The following PRELID3B variants were observed in gnomAD, a reference collection of about 807,000 sequenced individuals.
The protein encoded by PRELID3B is PRELI domain containing 3B.
PRELID3B carries 15 observed loss-of-function variants against 24.0 expected under a neutral mutation model. The ratio of observed to expected loss-of-function variants is 0.63; its 90% CI spans 0.42 to 0.96. PRELID3B has a LOEUF of 0.96. Among genes scored for constraint, PRELID3B ranks in the 40% least tolerant of loss-of-function variants. PRELID3B has a pLI of 0.00. For synonymous variants in PRELID3B, 62 were observed against 76.0 expected (o/e 0.82, Z 0.96); for missense variants, 189 against 236.0 (o/e 0.80, Z 1.30).
chr20:59,034,848 G>C lies in PRELID3B; in HGVS notation c.*159C>G. 2.0e-6 allele frequency: 1 copy of C among 491,930 alleles called. No homozygotes were observed. 30.5% of individuals were successfully genotyped at this position (491,930 alleles called of 1,614,324 possible). A position where few individuals can be genotyped will look rare whatever the true frequency, so the allele number is the denominator to read the frequency against. ...ATGATCCCTTTTATTTAGAGGCCCTGCATCTGTTTTGATCAAGTCACATAG... is the reference window on the plus strand; with the variant it reads ...ATGATCCCTTTTATTTAGAGGCCCTCCATCTGTTTTGATCAAGTCACATAG... On this transcript the variant is annotated 3_prime_UTR_variant, in exon 6 of 6. Coordinates refer to ENST00000355937, the MANE Select transcript of PRELID3B (RefSeq NM_016045.3).
At chr20:59,041,090 A>G (rs2092106920) in intron 1 of PRELID3B, among the ~76,000 whole-genome samples, 1 of 152,128 alleles carries the variant, frequency 6.6e-6, no homozygotes, top group South Asian at 2.1e-4. Flanking sequence ...CAGGAAGAAG[A>G]GTTAGGGAAG....
intron 5 of PRELID3B, among the ~76,000 whole-genome samples, chr20:59,035,907 C>G (rs1415387153): frequency 6.6e-6 from 1 of 152,146 alleles, no homozygotes; most frequent in Non-Finnish European, 1.5e-5. Flanking sequence ...TGCATGGCAT[C>G]TTTCTCTAAA....
Position 59,040,411 on chromosome 20 carries a change from G to A in PRELID3B, c.33-1777C>T, listed in dbSNP as rs2092102566. On this transcript the variant is annotated intron_variant, in intron 1 of 5. Coordinates refer to ENST00000355937, the MANE Select transcript of PRELID3B (RefSeq NM_016045.3). This position sits in a 1 kb window ranked among gnomAD's most constrained non-coding sequence, Gnocchi z 4.1. ...GGTCCAACTTCTTCACCTTTGAAAC[G>A]AGGTGAGGACATTATTAACTCCACT... Among the ~76,000 whole-genome samples, 1 of 152,200 alleles carries A rather than the reference G, an allele frequency of 6.6e-6. No individual in the cohort carries two copies. Among genetic ancestry groups the A allele is most frequent in the Admixed American group, 6.5e-5 (1 of 15,278 alleles).
In PRELID3B at chr20:59,034,978, T is replaced by C; in HGVS notation, c.*29A>G. 1 of 1,591,166 alleles carries C rather than the reference T, an allele frequency of 6.3e-7. No individual in the cohort carries two copies. The highest frequency in any genetic ancestry group is 1.4e-5 in the African/African-American group (1 of 73,936). On this transcript the variant is annotated 3_prime_UTR_variant, in exon 6 of 6. Transcript: ENST00000355937. ...ATAGTCAGTTTGGAGAGACCTGGAG[T>C]ACCCGATGTTGTCTACCAACTGTCA...
Position 59,038,500 on chromosome 20 carries a change from C to T in PRELID3B, c.167G>A (p.Ser56Asn). ...SGKLHSHRLL[S>N]TEWGLPSIVK... is the part of the protein sequence containing the mutation. The stretch of plus-strand genomic sequence containing the variant: ...AATGGAAGGCAGTCCCCACTCTGTG[C>T]TGAGAAGTCTGTGGCTGTGCAACTT... The change falls in exon 2 of 6, where the codon AGC becomes AAC. Residue 56 changes from serine to asparagine, a missense_variant. Coordinates refer to ENST00000355937, the MANE Select transcript of PRELID3B (RefSeq NM_016045.3). 6.2e-7 allele frequency: 1 copy of T among 1,613,848 alleles called. No individual in the cohort carries two copies. Among genetic ancestry groups the T allele is most frequent in the Non-Finnish European group, 8.5e-7 (1 of 1,179,830 alleles).
intron 2 of PRELID3B, among the ~76,000 whole-genome samples, chr20:59,037,568 A>G (rs2092082907): frequency 6.6e-6 from 1 of 152,190 alleles, no homozygotes; most frequent in Non-Finnish European, 1.5e-5. Flanking sequence ...GCGACGGTGG[A>G]GCGCTGAGGC....
rs377566257 is a variant in PRELID3B, at chr20:59,035,058, T to C, written c.534A>G (p.Ala178=). 1.2e-6 allele frequency: 2 copies of C among 1,614,000 alleles called. No individual in the cohort carries two copies. The highest frequency in any genetic ancestry group is 2.7e-5 in the African/African-American group (2 of 74,938). ...NAEIEELTAS[A]RGTIRTPMAA... is the part of the protein sequence containing the mutation. ...CCATTGGAGTCCTTATGGTTCCTCT[T>C]GCTGAGGCTGTCAGTTCTTCAATCT... Residue 178 remains alanine (A), a synonymous_variant, in exon 6 of 6, where the codon GCA becomes GCG. Coordinates refer to ENST00000355937, the MANE Select transcript of PRELID3B (RefSeq NM_016045.3).
At chr20:59,038,754 A>C (rs2092092540) in intron 1 of PRELID3B, 120 bp from the exon 2 acceptor site, 1 of 1,286,158 alleles carries the variant, frequency 7.8e-7, no homozygotes, top group Non-Finnish European at 1.0e-6. Context: ...TAATGAGTTT[A>C]CCTAGGAAAA....
Position 59,034,908 on chromosome 20 carries a change from AAC to A in PRELID3B, c.*97_*98del. The A allele has an allele frequency of 3.3e-5, 38 of 1,134,722 alleles. No homozygotes were observed. Among genetic ancestry groups the A allele is most frequent in the Middle Eastern group, 3.2e-4 (1 of 3,084 alleles). The allele number at this position is 1,134,722 out of a possible 1,614,324, so 70.3% of individuals were successfully genotyped here. On this transcript the variant is annotated 3_prime_UTR_variant, in exon 6 of 6. Coordinates refer to ENST00000355937, the MANE Select transcript of PRELID3B (RefSeq NM_016045.3). The stretch of plus-strand genomic sequence containing the variant: ...AACTTATCAAAAAAAAAAAAAAAAA[AAC>A]TACCCAAAATATAGTTGTATTTTTA...
In PRELID3B at chr20:59,040,252, CTTA is replaced by C. The variant is rs2092101567; in HGVS notation, c.33-1621_33-1619del. Among the ~76,000 whole-genome samples, 1 of 152,198 alleles carries C rather than the reference CTTA, an allele frequency of 6.6e-6. No individual in the cohort carries two copies. The highest frequency in any genetic ancestry group is 1.5e-5 in the Non-Finnish European group (1 of 68,032). The stretch of plus-strand genomic sequence containing the variant: ...ACCAGCTCAAACATTACAAACAATA[CTTA>C]TTATGATTAATCTTCCAGCAATTAA... On this transcript the variant is annotated intron_variant, in intron 1 of 5. Transcript: ENST00000355937. This position sits in a 1 kb window ranked among gnomAD's most constrained non-coding sequence, Gnocchi z 4.1.
chr20:59,037,857 T>C (rs1387718656), intron 2 of PRELID3B, among the ~76,000 whole-genome samples: 1 of 152,090 alleles, frequency 6.6e-6, no homozygotes, highest in African/African-American at 2.4e-5. Context: ...TGAAAATGTG[T>C]ACTTTAGTTT....
chr20:59,037,300 C>G lies in PRELID3B; in HGVS notation c.202-20G>C. ...AATAAGCTAAGTAAAACATTCAGAACTAGGAATCAGAGGAGGAAGAATTTC... is the reference window on the plus strand; with the variant it reads ...AATAAGCTAAGTAAAACATTCAGAAGTAGGAATCAGAGGAGGAAGAATTTC... On this transcript the variant is annotated intron_variant, in intron 2 of 5. Coordinates refer to ENST00000355937, the MANE Select transcript of PRELID3B (RefSeq NM_016045.3). 1 of 1,559,924 alleles carries G rather than the reference C, an allele frequency of 6.4e-7. No individual in the cohort carries two copies. Among genetic ancestry groups the G allele is most frequent in the Non-Finnish European group, 8.8e-7 (1 of 1,131,290 alleles).
chr20:59,034,722 C>T lies in PRELID3B; in HGVS notation c.*285G>A, dbSNP rs912455583. ...GCTTGAAAAATCTACCTTAAGGAGA[C>T]TGAATATCAATACCAGTTTCCAAGG... On this transcript the variant is annotated 3_prime_UTR_variant, in exon 6 of 6. Transcript: ENST00000355937. 17 of 282,182 alleles carry T rather than the reference C, an allele frequency of 6.0e-5. No individual in the cohort carries two copies. Among genetic ancestry groups the T allele is most frequent in the African/African-American group, 3.8e-4 (17 of 45,000 alleles). 17.5% of individuals were successfully genotyped at this position (282,182 alleles called of 1,614,324 possible).
Position 59,034,857 on chromosome 20 carries a change from T to C in PRELID3B, c.*150A>G. The C allele has an allele frequency of 1.7e-6, 1 of 589,266 alleles. No homozygotes were observed. Among genetic ancestry groups the C allele is most frequent in the Non-Finnish European group, 2.6e-6 (1 of 381,964 alleles). The allele number at this position is 589,266 out of a possible 1,614,324, so 36.5% of individuals were successfully genotyped here. A position where few individuals can be genotyped will look rare whatever the true frequency, so the allele number is the denominator to read the frequency against. On this transcript the variant is annotated 3_prime_UTR_variant, in exon 6 of 6. Transcript: ENST00000355937. The stretch of plus-strand genomic sequence containing the variant: ...TTTATTTAGAGGCCCTGCATCTGTT[T>C]TGATCAAGTCACATAGCCTTACACC...
rs1156659952 is a variant in PRELID3B, at chr20:59,042,652, G to T, written c.32+47C>A. 2.6e-6 allele frequency: 4 copies of T among 1,563,472 alleles called. No homozygotes were observed. In the South Asian group the frequency reaches 4.7e-5, roughly 18 times the overall value. ...GCCTCTGCCTCGCCTCTACTCCAGG[G>T]CCGGCGTGCCTGCCCTCCACGGAGC... is the stretch of plus-strand genomic sequence containing the variant. On this transcript the variant is annotated intron_variant, in intron 1 of 5. Transcript: ENST00000355937.
chr20:59,041,931 AG>A (rs2092113162), intron 1 of PRELID3B, among the ~76,000 whole-genome samples: 1 of 152,266 alleles, frequency 6.6e-6, no homozygotes, highest in Admixed American at 6.5e-5. Context: ...AAATGGAATC[AG>A]GGACCTAGAA....
rs11557322 is a variant in PRELID3B, at chr20:59,042,736, C to T, written c.-6G>A. ...TCCGAAGTCCAGATCTTCATGGTGCCGGCACCCTGAGAGATGTCCGGGTAG... is the reference window on the plus strand; with the variant it reads ...TCCGAAGTCCAGATCTTCATGGTGCTGGCACCCTGAGAGATGTCCGGGTAG... On this transcript the variant is annotated 5_prime_UTR_variant, in exon 1 of 6. Transcript: ENST00000355937. 1 of 1,601,570 alleles carries T rather than the reference C, an allele frequency of 6.2e-7. No individual in the cohort carries two copies.
chr20:59,038,368 A>ATTCAGAATCG, intron 2 of PRELID3B, 98 bp downstream of exon 2: 1 of 997,376 alleles, frequency 1.0e-6, no homozygotes, highest in Non-Finnish European at 1.4e-6. Context: ...AAAAAATGAC[A>ATTCAGAATCG]TTCAGAATCG....
At chr20:59,035,878 AC>A (rs1356205922) in intron 5 of PRELID3B, among the ~76,000 whole-genome samples, 1 of 152,094 alleles carries the variant, frequency 6.6e-6, no homozygotes, top group Non-Finnish European at 1.5e-5. Context: ...AACCACATTC[AC>A]CATGTGTTAT....
Sources: gnomAD v4.1 joint callset for allele counts (sites outside exome capture counted in the v4.1 genomes callset) on GRCh38, gnomAD v4.1.1 for gene constraint, Gnocchi (gnomAD v3.1) non-coding constraint, MANE v1.5 for transcripts, NCBI Gene and HGNC (gene_info 2026-07-23, HGNC 2026-07-21) for gene names.